Variants in PPCDC observed in about 807,000 individuals in gnomAD.
PPCDC encodes phosphopantothenoylcysteine decarboxylase.
In PPCDC, 20 loss-of-function variants were observed where a neutral mutation model predicts 20.7. That is an observed-to-expected ratio of 0.97 (90% CI 0.68 to 1.41). The LOEUF (loss-of-function observed/expected upper bound fraction) is 1.41. Ranked by LOEUF, PPCDC falls within the 40% of genes most tolerant of loss-of-function variation. PPCDC has a pLI of 0.00. For missense variants in PPCDC, 246 were observed against 263.8 expected, an observed-to-expected ratio of 0.93 and a Z score of 0.47; for synonymous variants, 88 against 100.3, an observed-to-expected ratio of 0.88 and a Z score of 0.73.
At chr15:75,047,400 G>C (rs2066250297) in intron 4 of PPCDC, among the ~76,000 whole-genome samples, 1 of 152,218 alleles carries the variant, frequency 6.6e-6, no homozygotes, top group African/African-American at 2.4e-5. Flanking sequence ...CTGTCCCTGG[G>C]ACTTGGGGGA....
intron 2 of PPCDC, 72 bp downstream of exon 2, chr15:75,028,525 G>A: frequency 6.3e-7 from 1 of 1,579,988 alleles, no homozygotes; most frequent in African/African-American, 1.4e-5. Flanking sequence ...ATGGCCCATT[G>A]CTCTGCAGTA....
intron 2 of PPCDC, among the ~76,000 whole-genome samples, chr15:75,043,049 G>A (rs1371503558): frequency 1.3e-5 from 2 of 152,272 alleles, no homozygotes; most frequent in Admixed American, 6.5e-5. Context: ...GGACCTATGA[G>A]CCTCCTTGGG....
intron 2 of PPCDC, among the ~76,000 whole-genome samples, chr15:75,036,762 C>T (rs947711688): frequency 3.3e-5 from 5 of 151,924 alleles, no homozygotes; most frequent in African/African-American, 9.7e-5. Context: ...GAGAGGGAGG[C>T]GAGAACCCCT....
At chr15:75,045,371 T>C (rs192778090) in intron 4 of PPCDC, among the ~76,000 whole-genome samples, 111 of 152,338 alleles carry the variant, frequency 7.3e-4, no homozygotes, top group African/African-American at 2.5e-3. Flanking sequence ...AGGGGTACAG[T>C]CCTGAATGAC....
chr15:75,036,508 C>T (rs1378701268), intron 2 of PPCDC, among the ~76,000 whole-genome samples: 6 of 152,166 alleles, frequency 3.9e-5, no homozygotes, highest in Non-Finnish European at 5.9e-5. Flanking sequence ...CCATCACATA[C>T]TCTTCGCATT....
chr15:75,035,117 C>T (rs1435452346), intron 2 of PPCDC, among the ~76,000 whole-genome samples: 1 of 152,144 alleles, frequency 6.6e-6, no homozygotes, highest in Non-Finnish European at 1.5e-5. Context: ...GCTGCCACAC[C>T]CTACGGCACA....
rs998928807 is a variant in PPCDC at position 75,028,230 on chromosome 15, C to G, written c.-72-17C>G. On this transcript the variant is annotated splice_polypyrimidine_tract_variant and intron_variant, in intron 1 of 5. Coordinates refer to ENST00000342932, the MANE Select transcript of PPCDC (RefSeq NM_021823.5). ...CGACTGTATGAATGAAGGGGGTGGC[C>G]CTTGTTCTCCTTTTAGATCCTAAAT... is the stretch of plus-strand genomic sequence containing the variant. 5 of 1,525,092 alleles carry G rather than the reference C, an allele frequency of 3.3e-6. No individual in the cohort carries two copies. Among genetic ancestry groups the G allele is most frequent in the Non-Finnish European group, 4.4e-6 (5 of 1,129,538 alleles). The allele number at this position is 1,525,092 out of a possible 1,614,324, so 94.5% of individuals were successfully genotyped here. A position where few individuals can be genotyped will look rare whatever the true frequency, so the allele number is the denominator to read the frequency against.
chr15:75,043,978 G>A (rs1425193296), intron 3 of PPCDC, among the ~76,000 whole-genome samples: 8 of 152,096 alleles, frequency 5.3e-5, no homozygotes, highest in African/African-American at 1.9e-4. Context: ...TTCCCTGCCA[G>A]GCATTTTCAA....
intron 2 of PPCDC, among the ~76,000 whole-genome samples, chr15:75,033,189 T>C (rs2066044412): frequency 6.6e-6 from 1 of 152,250 alleles, no homozygotes; most frequent in South Asian, 2.1e-4. Flanking sequence ...TCAGATTTCA[T>C]GTCCAAGACA....
intron 4 of PPCDC, among the ~76,000 whole-genome samples, chr15:75,047,999 G>A (rs923160531): frequency 1.2e-4 from 18 of 152,322 alleles, no homozygotes; most frequent in South Asian, 6.2e-4. Context: ...GGGTGTGGGC[G>A]TGGATGACTG....
At position 75,043,704 on chromosome 15, in the gene PPCDC, G is replaced by A. The variant is rs1240897232; in HGVS notation, c.231+168G>A. 4 of 638,306 alleles carry A rather than the reference G, an allele frequency of 6.3e-6. No individual in the cohort carries two copies. The Admixed American group carries it at 8.9e-5, about 14-fold the overall frequency. The allele number at this position is 638,306 out of a possible 1,614,324, so 39.5% of individuals were successfully genotyped here. A position where few individuals can be genotyped will look rare whatever the true frequency, so the allele number is the denominator to read the frequency against. ...TGAAGAAAACATCTGTCTAGCTTCT[G>A]GCCTGCAGGAGGCCCTAGTCTCCTC... On this transcript the variant is annotated intron_variant, in intron 3 of 5. Transcript: ENST00000342932.
intron 3 of PPCDC, 128 bp from the exon 4 acceptor site, chr15:75,044,258 G>T: frequency 1.5e-6 from 2 of 1,341,180 alleles, no homozygotes; most frequent in Non-Finnish European, 1.0e-6. Context: ...AGCTGCAGGA[G>T]GGAACGGAGG....
chr15:75,024,683 T>C (rs1182183096), intron 1 of PPCDC, among the ~76,000 whole-genome samples: 1 of 151,426 alleles, frequency 6.6e-6, no homozygotes, highest in Non-Finnish European at 1.5e-5. Context: ...TTTCTTTTTT[T>C]TTTTTTGAGT....
intron 3 of PPCDC, among the ~76,000 whole-genome samples, chr15:75,043,973 T>A (rs1323151767): frequency 6.6e-6 from 1 of 152,156 alleles, no homozygotes; most frequent in Non-Finnish European, 1.5e-5. Flanking sequence ...AGGGGTTCCC[T>A]GCCAGGCATT....
At chr15:75,044,649 C>T (rs2066205489) in intron 4 of PPCDC, 135 bp downstream of exon 4, 7 of 1,219,576 alleles carry the variant, frequency 5.7e-6, no homozygotes, top group Non-Finnish European at 7.8e-6. Context: ...CCGCCATTCC[C>T]CACATCGCCC....
intron 2 of PPCDC, among the ~76,000 whole-genome samples, chr15:75,038,071 G>A (rs1054135253): frequency 6.6e-6 from 1 of 152,154 alleles, no homozygotes; most frequent in African/African-American, 2.4e-5. Flanking sequence ...AAGGCATATC[G>A]ATTTTAGTTT....
At chr15:75,028,223 G>C (rs2065979701) in intron 1 of PPCDC, 24 bp from the exon 2 acceptor site, 1 of 1,488,004 alleles carries the variant, frequency 6.7e-7, no homozygotes, top group African/African-American at 1.4e-5. Context: ...TGAATGAAGG[G>C]GGTGGCCCTT....
At chr15:75,032,289 G>C (rs2066030728) in intron 2 of PPCDC, among the ~76,000 whole-genome samples, 1 of 152,160 alleles carries the variant, frequency 6.6e-6, no homozygotes, top group South Asian at 2.1e-4. Flanking sequence ...GAGTCAGCAG[G>C]CCTCGGGCTC....
intron 3 of PPCDC, chr15:75,043,839 C>T (rs1595910891): frequency 8.3e-6 from 3 of 361,752 alleles, no homozygotes; most frequent in Admixed American, 4.5e-5. Flanking sequence ...CCCTTGTCCA[C>T]GTGGTTCCTG....
Sources: gnomAD v4.1 joint callset for allele counts (sites outside exome capture counted in the v4.1 genomes callset) on GRCh38, gnomAD v4.1.1 for gene constraint, MANE v1.5 for transcripts, NCBI Gene and HGNC (gene_info 2026-07-23, HGNC 2026-07-21) for gene names.